Variants in EGFLAM observed in about 807,000 individuals in gnomAD.
The protein encoded by EGFLAM is EGF like, fibronectin type III and laminin G domains.
In EGFLAM, 79 loss-of-function variants were observed where a neutral mutation model predicts 113.1. The observed-to-expected ratio is 0.70, with a 90% CI of 0.58 to 0.84. EGFLAM has a LOEUF of 0.84. Among genes scored for constraint, EGFLAM ranks in the 40% least tolerant of loss-of-function variants. The pLI, the probability that EGFLAM is intolerant of heterozygous loss-of-function variation, is 0.00. For missense variants in EGFLAM, 1,265 were observed against 1,291.6 expected (o/e 0.98, Z 0.32); for synonymous variants, 504 against 487.6 (o/e 1.03, Z -0.44).
At chr5:38,401,571 G>T (rs1345252635) in intron 6 of EGFLAM, among the ~76,000 whole-genome samples, 1 of 152,134 alleles carries the variant, frequency 6.6e-6, no homozygotes, top group Non-Finnish European at 1.5e-5. Flanking sequence ...AGTTTTCGGG[G>T]TCTTTGGATT....
rs570061802 is a variant in EGFLAM, at chr5:38,399,643, A to G, written c.713-6483A>G. Among the ~76,000 whole-genome samples the G allele has an allele frequency of 2.0e-5, 3 of 152,234 alleles. No homozygotes were observed. The East Asian group carries it at 5.8e-4, about 29-fold the overall frequency. On this transcript the variant is annotated intron_variant, in intron 6 of 21. Coordinates refer to ENST00000322350, the MANE Select transcript of EGFLAM (RefSeq NM_152403.4). ...TGTGGACCTACTGCTTCCACTTAGC[A>G]GCCAAGTCACTGTCCCCACCTCTGT...
At chr5:38,339,174 AG>A (rs1739269213) in intron 3 of EGFLAM, among the ~76,000 whole-genome samples, 1 of 152,168 alleles carries the variant, frequency 6.6e-6, no homozygotes, top group Non-Finnish European at 1.5e-5. Context: ...GACACAATGC[AG>A]AAGAAGAAGA....
At chr5:38,445,425 C>A in intron 17 of EGFLAM, 1 of 1,337,320 alleles carries the variant, frequency 7.5e-7, no homozygotes, top group Non-Finnish European at 9.7e-7. Flanking sequence ...TCCACCGCCA[C>A]GCCCACCTTC....
intron 5 of EGFLAM, among the ~76,000 whole-genome samples, chr5:38,356,003 A>G (rs1297764854): frequency 2.0e-5 from 3 of 152,066 alleles, no homozygotes; most frequent in Middle Eastern, 3.4e-3. Context: ...CAAGTGATCC[A>G]CCTGCCTCAG....
intron 1 of EGFLAM, among the ~76,000 whole-genome samples, chr5:38,316,572 T>C (rs1042426773): frequency 3.9e-5 from 6 of 152,150 alleles, no homozygotes; most frequent in African/African-American, 1.4e-4. Context: ...GTGAATACAT[T>C]TTAGCTATGA....
At chr5:38,301,534 G>C (rs1158522786) in intron 1 of EGFLAM, among the ~76,000 whole-genome samples, 1 of 152,162 alleles carries the variant, frequency 6.6e-6, no homozygotes, top group African/African-American at 2.4e-5. Flanking sequence ...GAGGATAAAA[G>C]AAATGGGTGG....
chr5:38,426,486 A>G (rs1347777506), intron 13 of EGFLAM, among the ~76,000 whole-genome samples: 2 of 152,220 alleles, frequency 1.3e-5, no homozygotes, highest in Admixed American at 6.5e-5. Context: ...GACCTAAGAT[A>G]CCATATTGGG....
Position 38,462,979 on chromosome 5 carries a change from G to C in EGFLAM, c.2843G>C (p.Arg948Pro). The stretch of plus-strand genomic sequence containing the variant: ...ACAGGCAAATCCCCAGGCATGATGC[G>C]GCAGCTTAACATCAATGGAGCTCTG... ...ARTGKSPGMM[R>P]QLNINGALYV... Residue 948 changes from arginine to proline, a missense_variant, in exon 21 of 22, where the codon CGG becomes CCG. Physicochemically the swap from Arg to Pro is moderately radical, Grantham distance 103. Coordinates refer to ENST00000322350, the MANE Select transcript of EGFLAM (RefSeq NM_152403.4). 1 of 1,614,036 alleles carries C rather than the reference G, an allele frequency of 6.2e-7. No individual in the cohort carries two copies. Among genetic ancestry groups the C allele is most frequent in the Non-Finnish European group, 8.5e-7 (1 of 1,179,962 alleles).
intron 1 of EGFLAM, among the ~76,000 whole-genome samples, chr5:38,272,101 T>C (rs1261066587): frequency 6.6e-6 from 1 of 152,160 alleles, no homozygotes; most frequent in African/African-American, 2.4e-5. Context: ...TGAAGCAATA[T>C]ATAATTTAAA....
intron 1 of EGFLAM, among the ~76,000 whole-genome samples, chr5:38,328,607 C>G (rs946864174): frequency 6.6e-6 from 1 of 151,872 alleles, no homozygotes; most frequent in South Asian, 2.1e-4. Flanking sequence ...GTGTTACTCT[C>G]GTTTTAATAT....
At chr5:38,362,531 C>T (rs764015528) in intron 5 of EGFLAM, among the ~76,000 whole-genome samples, 1 of 151,558 alleles carries the variant, frequency 6.6e-6, no homozygotes, top group African/African-American at 2.4e-5. Context: ...CCTTTCTTTT[C>T]AAAAAAAAGT....
At chr5:38,375,545 C>G (rs1030856588) in intron 6 of EGFLAM, among the ~76,000 whole-genome samples, 2 of 152,196 alleles carry the variant, frequency 1.3e-5, no homozygotes, top group Non-Finnish European at 2.9e-5. Context: ...GCCTGTTTAT[C>G]TTAGGGCTAA....
At position 38,451,296 on chromosome 5, in the gene EGFLAM, A is replaced by G. The variant is rs780832096; in HGVS notation, c.2544-19A>G. On this transcript the variant is annotated intron_variant, in intron 18 of 21. Transcript: ENST00000322350. Reference sequence around the variant, plus strand: ...TGTTGGTGGTTGATTTGGTGGACTTATTTGTGTATTTCCTCCAGGGTGTCA... The same window carrying G: ...TGTTGGTGGTTGATTTGGTGGACTTGTTTGTGTATTTCCTCCAGGGTGTCA... 1.2e-6 allele frequency: 2 copies of G among 1,608,290 alleles called. No individual in the cohort carries two copies. Among genetic ancestry groups the G allele is most frequent in the African/African-American group, 2.7e-5 (2 of 74,764 alleles).
intron 5 of EGFLAM, among the ~76,000 whole-genome samples, chr5:38,370,030 G>T (rs1740163017): frequency 6.6e-6 from 1 of 152,168 alleles, no homozygotes; most frequent in South Asian, 2.1e-4. Context: ...TTTCATCATA[G>T]TGAGGGCCTT....
intron 17 of EGFLAM, among the ~76,000 whole-genome samples, chr5:38,438,997 T>G (rs530178679): frequency 1.3e-5 from 2 of 152,354 alleles, no homozygotes; most frequent in Admixed American, 6.5e-5. Flanking sequence ...CTCAGTTGTC[T>G]CAACTGTAAA....
chr5:38,419,167 T>C (rs76483692), intron 12 of EGFLAM, among the ~76,000 whole-genome samples: 1 of 152,322 alleles, frequency 6.6e-6, no homozygotes, highest in East Asian at 1.9e-4. Flanking sequence ...CCAATCGGAC[T>C]GGATTAGGTC....
chr5:38,395,284 C>T (rs1001814276), intron 6 of EGFLAM, among the ~76,000 whole-genome samples: 5 of 148,386 alleles, frequency 3.4e-5, no homozygotes, highest in East Asian at 2.0e-4. Flanking sequence ...CGGTCTGTCA[C>T]CCAGGCTGGA....
At chr5:38,445,655 C>G in intron 17 of EGFLAM, 1 of 1,598,472 alleles carries the variant, frequency 6.3e-7, no homozygotes. Flanking sequence ...TCTCCCTGTT[C>G]TCTTTCATGC....
At position 38,438,344 on chromosome 5, in the gene EGFLAM, GC is replaced by G; in HGVS notation, c.2356del (p.His786ThrfsTer4). ...CTCCGGAGTGAATGTGGAGAATGCG[GC>G]CCACCCCTGTGTGAGAGCCCCTTGT... ...FTSGVNVENA[A>X]HPCVRAPCAH... On this transcript the variant is annotated frameshift_variant, in exon 17 of 22. Coordinates refer to ENST00000322350, the MANE Select transcript of EGFLAM (RefSeq NM_152403.4). LOFTEE classifies it high-confidence loss of function. 1 of 1,614,152 alleles carries G rather than the reference GC, an allele frequency of 6.2e-7. No individual in the cohort carries two copies. Among genetic ancestry groups the G allele is most frequent in the Non-Finnish European group, 8.5e-7 (1 of 1,180,004 alleles).
Sources: gnomAD v4.1 joint callset for allele counts (sites outside exome capture counted in the v4.1 genomes callset) on GRCh38, gnomAD v4.1.1 for gene constraint, MANE v1.5 for transcripts, NCBI Gene and HGNC (gene_info 2026-07-23, HGNC 2026-07-21) for gene names.